PTPRD: variants seen among roughly 807,000 people sequenced by gnomAD.
The protein encoded by PTPRD is protein tyrosine phosphatase receptor type D.
In PTPRD, 34 loss-of-function variants were observed where a neutral mutation model predicts 214.5. The ratio of observed to expected loss-of-function variants is 0.16; its 90% confidence interval spans 0.12 to 0.21. PTPRD has a LOEUF of 0.21. Among genes scored for constraint, PTPRD ranks in the 10% least tolerant of loss-of-function variants. The probability of loss-of-function intolerance (pLI) is 1.00; values close to 1 mark genes in which losing one functional copy is unlikely to be tolerated. For missense variants in PTPRD, 2,545 were observed against 2,398.7 expected (o/e 1.06, Z -1.27); for synonymous variants, 1,128 against 845.7 (o/e 1.33, Z -5.79).
chr9:9,570,946 C>T (rs609641), intron 8 of PTPRD, among the ~76,000 whole-genome samples: 55,052 of 151,078 alleles, frequency 0.36, 10,460 homozygotes, highest in African/African-American at 0.45. Flanking sequence ...TTATGAAGAA[C>T]TGAAACACGT....
chr9:10,268,560 C>G (rs574053824), intron 3 of PTPRD, among the ~76,000 whole-genome samples: 120 of 152,262 alleles, frequency 7.9e-4, no homozygotes, highest in African/African-American at 2.7e-3. Flanking sequence ...TTCCTTTCCA[C>G]CTAACACAGA....
intron 3 of PTPRD, among the ~76,000 whole-genome samples, chr9:10,126,945 A>ATTTTTTTTTTTTT (rs2098824416): frequency 4.8e-5 from 5 of 104,820 alleles, no homozygotes; most frequent in African/African-American, 1.5e-4. Flanking sequence ...TCTCAAATGG[A>ATTTTTTTTTTTTT]CTTTTTTTTT....
At chr9:10,159,582 A>G (rs756638349) in intron 3 of PTPRD, among the ~76,000 whole-genome samples, 1 of 152,128 alleles carries the variant, frequency 6.6e-6, no homozygotes, top group Non-Finnish European at 1.5e-5. Flanking sequence ...TAAAATATCA[A>G]TTTTAAGGAA....
In PTPRD at chr9:9,825,382, CAGAG is replaced by C. The variant is rs750262037; in HGVS notation, c.-367-58535_-367-58532del. ...AGACACAGAGAGAGACACAGAGAGA[CAGAG>C]AGAGAGAGACAGAGAGAGAAAGAGA... On this transcript the variant is annotated intron_variant, in intron 5 of 45. Coordinates refer to ENST00000381196, the MANE Select transcript of PTPRD (RefSeq NM_002839.4). 5.0e-4 allele frequency among the ~76,000 whole-genome samples: 72 copies of C among 143,078 alleles called. No individual in the cohort carries two copies. The South Asian group carries it at 5.5e-3, about 11-fold the overall frequency. The allele number at this position is 143,078 out of a possible 152,430, so 93.9% of individuals were successfully genotyped here.
At chr9:8,544,805 T>C (rs970102159) in intron 14 of PTPRD, among the ~76,000 whole-genome samples, 1 of 152,032 alleles carries the variant, frequency 6.6e-6, no homozygotes, top group Non-Finnish European at 1.5e-5. Context: ...GCGGTTGCTT[T>C]TGTACCAACT....
intron 14 of PTPRD, among the ~76,000 whole-genome samples, chr9:8,551,755 G>C: frequency 6.6e-6 from 1 of 152,128 alleles, no homozygotes. Flanking sequence ...AATGAAGAAA[G>C]TCCACAAAAT....
chr9:10,001,195 T>C (rs909494972), intron 4 of PTPRD, among the ~76,000 whole-genome samples: 2 of 152,100 alleles, frequency 1.3e-5, no homozygotes, highest in Non-Finnish European at 2.9e-5. Flanking sequence ...AGTCACCGGA[T>C]CTGTATCAAT....
At chr9:9,100,011 A>T (rs1244093763) in intron 10 of PTPRD, among the ~76,000 whole-genome samples, 1 of 152,222 alleles carries the variant, frequency 6.6e-6, no homozygotes, top group East Asian at 1.9e-4. Flanking sequence ...TTAAAGAAAT[A>T]CTTCTAAAAG....
At chr9:8,965,771 TCAGAAGTTCTAGC>T (rs1388527345) in intron 11 of PTPRD, among the ~76,000 whole-genome samples, 7 of 152,056 alleles carry the variant, frequency 4.6e-5, no homozygotes, top group Non-Finnish European at 7.4e-5. Context: ...TAACATAGCA[TCAGAAGTTCTAGC>T]CAGAGCAATT....
chr9:8,591,744 G>A (rs1467754841), intron 14 of PTPRD, among the ~76,000 whole-genome samples: 1 of 152,118 alleles, frequency 6.6e-6, no homozygotes, highest in East Asian at 1.9e-4. Context: ...ACTAGAAATA[G>A]CAATCTCACT....
At chr9:8,563,749 C>T (rs1423414328) in intron 14 of PTPRD, among the ~76,000 whole-genome samples, 3 of 152,110 alleles carry the variant, frequency 2.0e-5, no homozygotes. Context: ...GCAACCTCCA[C>T]CCTCCAGGTT....
At chr9:9,667,578 G>A (rs192540084) in intron 7 of PTPRD, among the ~76,000 whole-genome samples, 1 of 152,134 alleles carries the variant, frequency 6.6e-6, no homozygotes, top group Admixed American at 6.6e-5. Flanking sequence ...AACCCTAAAA[G>A]TGAATTCATT....
At chr9:8,557,161 G>A (rs1389949120) in intron 14 of PTPRD, among the ~76,000 whole-genome samples, 1 of 151,938 alleles carries the variant, frequency 6.6e-6, no homozygotes, top group African/African-American at 2.4e-5. Context: ...TGTTAGCCGA[G>A]GTACAGGGGA....
intron 12 of PTPRD, among the ~76,000 whole-genome samples, chr9:8,684,327 C>T (rs1565257996): frequency 1.3e-5 from 2 of 152,170 alleles, no homozygotes; most frequent in Non-Finnish European, 2.9e-5. Flanking sequence ...ATTTTGTAAG[C>T]CATCTCTATT....
intron 3 of PTPRD, among the ~76,000 whole-genome samples, chr9:10,040,712 T>G (rs771345230): frequency 1.3e-5 from 2 of 152,042 alleles, no homozygotes; most frequent in Non-Finnish European, 1.5e-5. Context: ...AAGATTCTTT[T>G]AAAAATGAGA....
chr9:8,791,840 G>C (rs1266259373), intron 11 of PTPRD, among the ~76,000 whole-genome samples: 1 of 152,014 alleles, frequency 6.6e-6, no homozygotes, highest in African/African-American at 2.4e-5. Context: ...TTAACTTAGG[G>C]AACATTTCAA....
intron 8 of PTPRD, among the ~76,000 whole-genome samples, chr9:9,399,210 G>A (rs957798309): frequency 6.6e-6 from 1 of 152,000 alleles, no homozygotes; most frequent in African/African-American, 2.4e-5. Flanking sequence ...AGTAACAGAA[G>A]TAAAAACTTT....
chr9:10,101,769 G>A (rs1016573151), intron 3 of PTPRD, among the ~76,000 whole-genome samples: 6 of 151,720 alleles, frequency 4.0e-5, no homozygotes, highest in African/African-American at 1.2e-4. Context: ...TACTCAGTAA[G>A]AGTGATATAA....
At chr9:10,037,386 G>C (rs2097204365) in intron 3 of PTPRD, among the ~76,000 whole-genome samples, 1 of 151,932 alleles carries the variant, frequency 6.6e-6, no homozygotes, top group Non-Finnish European at 1.5e-5. Context: ...TTGTTTAAAA[G>C]TGTGCAGCAC....
Sources: gnomAD v4.1 joint callset for allele counts (sites outside exome capture counted in the v4.1 genomes callset) on GRCh38, gnomAD v4.1.1 for gene constraint, MANE v1.5 for transcripts, NCBI Gene and HGNC (gene_info 2026-07-23, HGNC 2026-07-21) for gene names.